Variants in NME7 observed in about 807,000 individuals in gnomAD.
The protein encoded by NME7 is NME/NM23 family member 7.
A neutral mutation model predicts 49.1 loss-of-function variants in NME7; 41 were observed. The ratio of observed to expected loss-of-function variants is 0.83; its 90% CI spans 0.65 to 1.08. The LOEUF is 1.08. Among genes scored for constraint, NME7 ranks in the 50% least tolerant of loss-of-function variants. The pLI is 0.00. For synonymous variants in NME7, 139 were observed against 150.6 expected (o/e 0.92, Z 0.56); for missense variants, 423 against 463.4 (o/e 0.91, Z 0.80).
intron 11 of NME7, among the ~76,000 whole-genome samples, chr1:169,144,808 T>C (rs1015023086): frequency 6.6e-6 from 1 of 152,164 alleles, no homozygotes; most frequent in African/African-American, 2.4e-5. Context: ...GGAGGATTGC[T>C]TCAGCAATTT....
intron 7 of NME7, among the ~76,000 whole-genome samples, chr1:169,275,946 T>C (rs1442631657): frequency 4.5e-5 from 6 of 132,538 alleles, no homozygotes; most frequent in Admixed American, 7.4e-5. Flanking sequence ...GAGATAATCA[T>C]GTGGTTTTTG....
At chr1:169,251,957 T>A (rs981853606) in intron 7 of NME7, among the ~76,000 whole-genome samples, 2 of 150,364 alleles carry the variant, frequency 1.3e-5, no homozygotes, top group African/African-American at 4.9e-5. Context: ...ATCCAGTCTA[T>A]CATTGTTGGA....
chr1:169,135,014 CAAA>C (rs58463903), intron 11 of NME7, among the ~76,000 whole-genome samples: 8 of 50,390 alleles, frequency 1.6e-4, no homozygotes, highest in African/African-American at 5.1e-4. Context: ...CCCGTCTCTA[CAAA>C]AAAAAAAAAA....
chr1:169,291,840 GT>G (rs550375967), intron 6 of NME7, among the ~76,000 whole-genome samples: 18 of 151,802 alleles, frequency 1.2e-4, no homozygotes, highest in African/African-American at 3.4e-4. Context: ...TATATTCATA[GT>G]TTTTTTTAGA....
Position 169,287,394 on chromosome 1 carries a change from A to AC in NME7, c.662_663insG (p.Phe221LeufsTer15), listed in dbSNP as rs1288711021. On this transcript the variant is annotated frameshift_variant, in exon 7 of 12. Coordinates refer to ENST00000367811, the MANE Select transcript of NME7 (RefSeq NM_013330.5). LOFTEE classifies it high-confidence loss of function. ...GCCCACAACCTCCACTTGAAGGAAA[A>AC]AACAACTCCATTTCCTAAAGACAGA... is the stretch of plus-strand genomic sequence containing the variant. The AC allele has an allele frequency of 1.2e-5, 19 of 1,592,662 alleles. No individual in the cohort carries two copies. The highest frequency in any genetic ancestry group is 1.6e-5 in the Non-Finnish European group (19 of 1,171,670).
chr1:169,295,454 GAT>G (rs946955444), intron 6 of NME7, among the ~76,000 whole-genome samples: 2 of 152,118 alleles, frequency 1.3e-5, no homozygotes, highest in Non-Finnish European at 2.9e-5. Context: ...TCATTAATTA[GAT>G]ATGTTTATTA....
At chr1:169,223,193 A>C (rs12756556) in intron 10 of NME7, among the ~76,000 whole-genome samples, 10,652 of 152,198 alleles carry the variant, frequency 0.07, 1,485 homozygotes, top group East Asian at 0.67. Context: ...TTTGGCAGGA[A>C]TATCACAGAA....
Position 169,272,739 on chromosome 1 carries a change from C to A in NME7, c.754+14564G>T, listed in dbSNP as rs1223443441. ...ATTCCATGTCTTTGCTATTGTGAAC[C>A]GTGCTGCAATGAACATACACGTGCA... On this transcript the variant is annotated intron_variant, in intron 7 of 11. Transcript: ENST00000367811. Among the ~76,000 whole-genome samples the A allele has an allele frequency of 2.3e-5, 3 of 131,080 alleles. 1 individual carries two copies. Among genetic ancestry groups the A allele is most frequent in the Non-Finnish European group, 3.6e-5 (2 of 55,768 alleles). 86.0% of individuals were successfully genotyped at this position (131,080 alleles called of 152,430 possible).
At chr1:169,220,694 G>A (rs1661117033) in intron 10 of NME7, among the ~76,000 whole-genome samples, 1 of 151,830 alleles carries the variant, frequency 6.6e-6, no homozygotes, top group Non-Finnish European at 1.5e-5. Context: ...ACTGTACTTG[G>A]ATTACTTTCA....
At chr1:169,348,135 G>C (rs555524762) in intron 1 of NME7, among the ~76,000 whole-genome samples, 202 of 152,264 alleles carry the variant, frequency 1.3e-3, no homozygotes, top group Middle Eastern at 3.4e-3. Flanking sequence ...AACCACTAAT[G>C]TACCTTTATA....
rs1238665797 is a variant in NME7, at chr1:169,342,493, ATATATACAAGTACATATATATATAG to A, written c.4-18018_4-17994del. Among the ~76,000 whole-genome samples the A allele has an allele frequency of 5.8e-5, 8 of 138,194 alleles. 1 individual carries two copies. The East Asian group carries it at 8.2e-4, about 14-fold the overall frequency. The allele number at this position is 138,194 out of a possible 152,430, so 90.7% of individuals were successfully genotyped here. On this transcript the variant is annotated intron_variant, in intron 1 of 11. Coordinates refer to ENST00000367811, the MANE Select transcript of NME7 (RefSeq NM_013330.5). ...TATATATACTTGTATTAGTATATAT[ATATATACAAGTACATATATATATAG>A]TATATATATACAAGTACATATATAT...
At chr1:169,327,318 T>C (rs1449653330) in intron 1 of NME7, among the ~76,000 whole-genome samples, 1 of 152,208 alleles carries the variant, frequency 6.6e-6, no homozygotes, top group African/African-American at 2.4e-5. Context: ...TTACACTGCA[T>C]CAAAAAGAGA....
intron 7 of NME7, among the ~76,000 whole-genome samples, chr1:169,278,029 A>G (rs544709559): frequency 3.3e-5 from 5 of 151,690 alleles, no homozygotes; most frequent in East Asian, 4.0e-4. Flanking sequence ...CTCTCTTCTG[A>G]CTTGTAGAGT....
chr1:169,320,886 T>C (rs2101934132), intron 3 of NME7, among the ~76,000 whole-genome samples: 1 of 152,302 alleles, frequency 6.6e-6, no homozygotes, highest in Non-Finnish European at 1.5e-5. Context: ...TGCCAGCATA[T>C]TAATTAGAGG....
chr1:169,301,657 T>C (rs1490425895), intron 5 of NME7, among the ~76,000 whole-genome samples: 2 of 151,988 alleles, frequency 1.3e-5, no homozygotes, highest in African/African-American at 4.8e-5. Context: ...AGCAAATACA[T>C]GGAAATAACT....
intron 7 of NME7, among the ~76,000 whole-genome samples, chr1:169,279,122 C>T (rs913560281): frequency 5.3e-5 from 8 of 152,172 alleles, no homozygotes; most frequent in Admixed American, 5.2e-4. Context: ...AGTTAGGCTG[C>T]TTGGGGGTCA....
intron 1 of NME7, among the ~76,000 whole-genome samples, chr1:169,337,222 T>C (rs1254782182): frequency 6.6e-6 from 1 of 152,134 alleles, no homozygotes; most frequent in Non-Finnish European, 1.5e-5. Context: ...CCGTGCCCCG[T>C]GGGAAGGCAG....
Position 169,298,635 on chromosome 1 carries a change from T to G in NME7, c.569A>C (p.Glu190Ala), listed in dbSNP as rs1650807837. ...NSGVARTDAS[E>A]SIRALFGTDG... ...TGTTCCAAAGAGGGCTCTAATGCTT[T>G]CAGAAGCATCTGTGCGTGCCACTCC... The change falls in exon 6 of 12, where the codon GAA becomes GCA. Residue 190 changes from glutamate (E) to alanine (A), a missense_variant. Glu to Ala is a moderately radical substitution (Grantham distance 107). Coordinates refer to ENST00000367811, the MANE Select transcript of NME7 (RefSeq NM_013330.5). The G allele has an allele frequency of 6.2e-7, 1 of 1,613,922 alleles. No individual in the cohort carries two copies. Among genetic ancestry groups the G allele is most frequent in the Non-Finnish European group, 8.5e-7 (1 of 1,179,944 alleles).
intron 10 of NME7, among the ~76,000 whole-genome samples, chr1:169,212,118 T>C (rs1660842364): frequency 1.3e-5 from 2 of 152,094 alleles, no homozygotes; most frequent in Non-Finnish European, 2.9e-5. Context: ...GTATGTAATT[T>C]TTACTAATTG....
Sources: allele counts gnomAD v4.1 joint callset (sites outside exome capture counted in the v4.1 genomes callset), GRCh38; gene constraint gnomAD v4.1.1; transcripts MANE v1.5; gene names NCBI Gene and HGNC (gene_info 2026-07-23, HGNC 2026-07-21).